The following KANSL1 variants were observed in gnomAD, a reference collection of about 807,000 sequenced individuals.
KANSL1 encodes MLL1/MLL complex subunit KANSL1.
In KANSL1, 22 loss-of-function variants were observed where a neutral mutation model predicts 103.6. That is an observed-to-expected ratio of 0.21 (90% CI 0.15 to 0.30). The LOEUF is 0.30. Among genes scored for constraint, KANSL1 ranks in the 10% least tolerant of loss-of-function variants. The pLI, the probability that KANSL1 is intolerant of heterozygous loss-of-function variation, is 1.00. For missense variants in KANSL1, 1,337 were observed against 1,399.8 expected, an observed-to-expected ratio of 0.96 and a Z score of 0.72; for synonymous variants, 600 against 527.6, an observed-to-expected ratio of 1.14 and a Z score of -1.88.
At chr17:46,093,492 T>C (rs2079496390) in intron 3 of KANSL1, 1 of 152,576 alleles carries the variant, frequency 6.6e-6, no homozygotes, top group South Asian at 2.1e-4. Context: ...GGAATATATA[T>C]ATATATATGT....
chr17:46,177,878 C>T (rs1045049924), intron 1 of KANSL1, among the ~76,000 whole-genome samples: 5 of 152,012 alleles, frequency 3.3e-5, no homozygotes, highest in African/African-American at 4.8e-5. Context: ...CCCGGGTTCA[C>T]GCCATTCTCC....
intron 2 of KANSL1, among the ~76,000 whole-genome samples, chr17:46,110,591 T>C (rs1000548531): frequency 2.0e-5 from 3 of 152,166 alleles, no homozygotes; most frequent in Non-Finnish European, 4.4e-5. Flanking sequence ...GCCAAATCAA[T>C]TTTCTCAAAA....
At chr17:46,193,810 TGAG>T (rs2047497030), upstream of KANSL1, 1 of 166,072 alleles carries the variant, frequency 6.0e-6, no homozygotes, top group African/African-American at 2.4e-5. Flanking sequence ...GCTCGCCAGT[TGAG>T]GGGCAGGGCG....
chr17:46,144,175 C>T (rs1411316707), intron 2 of KANSL1, among the ~76,000 whole-genome samples: 6 of 152,188 alleles, frequency 3.9e-5, no homozygotes, highest in Non-Finnish European at 8.8e-5. Flanking sequence ...GAAGGTATAC[C>T]TTCTAAGTCC....
intron 2 of KANSL1, among the ~76,000 whole-genome samples, chr17:46,139,807 CTCAGAATATA>C (rs1343549048): frequency 6.6e-6 from 1 of 151,916 alleles, no homozygotes; most frequent in Non-Finnish European, 1.5e-5. Flanking sequence ...TGAAAGCATT[CTCAGAATATA>C]CTGTCCTTAA....
At chr17:46,205,377 C>T (rs367762636) in intron 1 of KANSL1, among the ~76,000 whole-genome samples, 11 of 151,676 alleles carry the variant, frequency 7.3e-5, no homozygotes, top group East Asian at 5.8e-4. Flanking sequence ...AGCATCCCCC[C>T]GCCAAAAAAA....
intron 10 of KANSL1, among the ~76,000 whole-genome samples, chr17:46,036,743 G>A (rs928387898): frequency 1.3e-4 from 20 of 149,310 alleles, no homozygotes; most frequent in Admixed American, 3.3e-4. Flanking sequence ...TTTTTGAGAC[G>A]AAGTCTTGCT....
At chr17:46,031,794 C>T in intron 14 of KANSL1, 91 bp from the exon 15 acceptor site, 1 of 1,259,218 alleles carries the variant, frequency 7.9e-7, no homozygotes, top group South Asian at 1.4e-5. Flanking sequence ...TGGCCTGGAG[C>T]CTAGGACCAG....
At chr17:46,101,745 C>T (rs929411126) in intron 2 of KANSL1, among the ~76,000 whole-genome samples, 1 of 94,472 alleles carries the variant, frequency 1.1e-5, no homozygotes, top group Non-Finnish European at 1.8e-5. Flanking sequence ...CAGAGCAAGA[C>T]TCTGTCTACA....
In KANSL1 at chr17:46,032,226, A is replaced by T. The variant is rs1411123104; in HGVS notation, c.2911T>A (p.Ser971Thr). 6.3e-7 allele frequency: 1 copy of T among 1,582,046 alleles called. No individual in the cohort carries two copies. The highest frequency in any genetic ancestry group is 2.3e-5 in the East Asian group (1 of 44,372). ...GAGTGGCTACTGCTGACATCAGGGGAGGCAGGCTGGGGGGTGGAGGGGTTG... is the reference window on the plus strand; with the variant it reads ...GAGTGGCTACTGCTGACATCAGGGGTGGCAGGCTGGGGGGTGGAGGGGTTG... ...SANPSTPQPASPDVSSSHSLS... is the reference protein window; with the variant it reads ...SANPSTPQPATPDVSSSHSLS... The change falls in exon 14 of 15, where the codon TCC (serine) becomes ACC (threonine). Residue 971 changes from serine to threonine, a missense_variant. Transcript: ENST00000432791.
intron 2 of KANSL1, among the ~76,000 whole-genome samples, chr17:46,097,567 T>TA (rs899822428): frequency 1.3e-5 from 2 of 152,224 alleles, no homozygotes; most frequent in Non-Finnish European, 1.5e-5. Context: ...ACTTCTCATG[T>TA]AAAAAAACAA....
At chr17:46,187,828 T>G (rs1161740124) in intron 1 of KANSL1, among the ~76,000 whole-genome samples, 2 of 112,510 alleles carry the variant, frequency 1.8e-5, no homozygotes, top group African/African-American at 5.3e-5. Context: ...AATGTTTGAT[T>G]TTTTTCTTTC....
At chr17:46,212,227 C>CTT (rs68040324) in intron 1 of KANSL1, among the ~76,000 whole-genome samples, 1 of 145,892 alleles carries the variant, frequency 6.9e-6, no homozygotes, top group Non-Finnish European at 1.5e-5. Flanking sequence ...ATTAAAAATT[C>CTT]TTTTTTTTTT....
intron 7 of KANSL1, chr17:46,042,813 AT>A (rs1169510408): frequency 2.0e-5 from 3 of 151,352 alleles, no homozygotes; most frequent in Non-Finnish European, 2.9e-5. Flanking sequence ...AAAAGCTAAC[AT>A]TCTCAGGGAT....
intron 3 of KANSL1, among the ~76,000 whole-genome samples, chr17:46,084,511 G>A (rs1210031338): frequency 6.6e-6 from 1 of 151,426 alleles, no homozygotes; most frequent in African/African-American, 2.4e-5. Flanking sequence ...GTGAAACAAC[G>A]TCTCCAGTAA....
At chr17:46,115,399 G>C (rs1381520809) in intron 2 of KANSL1, among the ~76,000 whole-genome samples, 1 of 151,884 alleles carries the variant, frequency 6.6e-6, no homozygotes, top group Admixed American at 6.6e-5. Flanking sequence ...AGAAAGTGCA[G>C]ATTTTCTGTC....
chr17:46,193,030 A>AGGC lies in KANSL1; in HGVS notation c.-300_-298dup, dbSNP rs2047429815. The AGGC allele has an allele frequency of 6.5e-6, 1 of 153,092 alleles. No homozygotes were observed. Among genetic ancestry groups the AGGC allele is most frequent in the Admixed American group, 6.6e-5 (1 of 15,262 alleles). 9.5% of individuals were successfully genotyped at this position (153,092 alleles called of 1,614,324 possible). Reference sequence around the variant, plus strand: ...GGGGGCGAGGCAGAGGGGGAGGGGAAGGCGGCGGCGGGGAGCGGCTGCTTT... The same window carrying AGGC: ...GGGGGCGAGGCAGAGGGGGAGGGGAAGGCGGCGGCGGCGGGGAGCGGCTGCTTT... On this transcript the variant is annotated 5_prime_UTR_variant, in exon 1 of 15. Coordinates refer to ENST00000432791, the MANE Select transcript of KANSL1 (RefSeq NM_015443.4).
At position 46,031,677 on chromosome 17, in the gene KANSL1, G is replaced by C. The variant is rs774951690; in HGVS notation, c.3117C>G (p.Thr1039=). 1 of 1,609,494 alleles carries C rather than the reference G, an allele frequency of 6.2e-7. No individual in the cohort carries two copies. The highest frequency in any genetic ancestry group is 8.5e-7 in the Non-Finnish European group (1 of 1,176,408). The change falls in exon 15 of 15, where the codon ACC becomes ACG. Residue 1039 remains threonine, a synonymous_variant. Transcript: ENST00000432791. ...EQSVQPWERR[T]FPLAHSPQAE... is the part of the protein sequence containing the mutation. ...CCTGGGGACTGTGCGCCAGGGGGAAGGTCCGCCGCTCCCAGGGCTGGACAG... is the reference window on the plus strand; with the variant it reads ...CCTGGGGACTGTGCGCCAGGGGGAACGTCCGCCGCTCCCAGGGCTGGACAG...
At chr17:46,151,247 G>C (rs1264571021) in intron 2 of KANSL1, among the ~76,000 whole-genome samples, 1 of 152,190 alleles carries the variant, frequency 6.6e-6, no homozygotes, top group Non-Finnish European at 1.5e-5. Flanking sequence ...TCTATACCTG[G>C]ATCAGCATGC....
Sources: allele counts gnomAD v4.1 joint callset (sites outside exome capture counted in the v4.1 genomes callset), GRCh38; gene constraint gnomAD v4.1.1; transcripts MANE v1.5; gene names NCBI Gene and HGNC (gene_info 2026-07-23, HGNC 2026-07-21).